Variants in GPX6 observed in about 807,000 individuals in gnomAD.
GPX6 encodes glutathione peroxidase 6, also known as glutathione peroxidase 6 (olfactory).
Under a neutral mutation model 20.0 loss-of-function variants are expected in GPX6, and 21 were observed. The observed-to-expected ratio is 1.05, with a 90% CI of 0.74 to 1.51. GPX6 has a LOEUF of 1.51. Ranked by LOEUF, GPX6 falls within the 40% of genes most tolerant of loss-of-function variation. The probability of loss-of-function intolerance (pLI) is 0.00; values close to 1 mark genes in which losing one functional copy is unlikely to be tolerated. For missense variants in GPX6, 233 were observed against 254.7 expected (o/e 0.91, Z 0.58); for synonymous variants, 75 against 98.0 (o/e 0.77, Z 1.38).
chr6:28,505,922 G>T, intron 3 of GPX6, 120 bp from the exon 4 acceptor site: 2 of 744,010 alleles, frequency 2.7e-6, no homozygotes, highest in Middle Eastern at 3.4e-4. Context: ...CTGTGCACAG[G>T]GAAGATAAGA....
chr6:28,503,384 A>G lies in GPX6; in HGVS notation c.*908T>C, dbSNP rs34874603. 1.6e-4 allele frequency: 24 copies of G among 152,324 alleles called. No homozygotes were observed. The highest frequency in any genetic ancestry group is 5.3e-4 in the African/African-American group (22 of 41,458). The allele number at this position is 152,324 out of a possible 1,614,324, so 9.4% of individuals were successfully genotyped here. The stretch of plus-strand genomic sequence containing the variant: ...AAGAACAAGACAAGGGAATCAAGAA[A>G]GCAGGGACAAAGTGACAGAGAAAGA... On this transcript the variant is annotated 3_prime_UTR_variant, in exon 5 of 5. Coordinates refer to ENST00000361902, the MANE Select transcript of GPX6 (RefSeq NM_182701.1).
intron 1 of GPX6, among the ~76,000 whole-genome samples, chr6:28,512,026 G>A (rs1000073950): frequency 6.6e-6 from 1 of 152,238 alleles, no homozygotes; most frequent in Non-Finnish European, 1.5e-5. Context: ...GCCACCCCGC[G>A]GGGCAGGGCT....
intron 1 of GPX6, among the ~76,000 whole-genome samples, chr6:28,513,298 G>C (rs765939253): frequency 6.6e-6 from 1 of 152,190 alleles, no homozygotes; most frequent in African/African-American, 2.4e-5. Flanking sequence ...GCTGCCTATG[G>C]GTGGCTGAAC....
At position 28,504,425 on chromosome 6, in the gene GPX6, T is replaced by C. The variant is rs1353545693; in HGVS notation, c.533A>G (p.Asp178Gly). Reference sequence around the variant, plus strand: ...AAATTTCTCAAAGTTCCAGCGGATATCATGGACCTTCATGGGCTCCCAGAA... The same window carrying C: ...AAATTTCTCAAAGTTCCAGCGGATACCATGGACCTTCATGGGCTCCCAGAA... ...QLFWEPMKVH[D>G]IRWNFEKFLV... Residue 178 changes from aspartate to glycine, a missense_variant, in exon 5 of 5, where the codon GAT becomes GGT. Physicochemically the swap from Asp to Gly is moderately conservative, Grantham distance 94. Transcript: ENST00000361902. 6.2e-7 allele frequency: 1 copy of C among 1,614,136 alleles called. No individual in the cohort carries two copies. The highest frequency in any genetic ancestry group is 1.7e-5 in the Admixed American group (1 of 60,022).
At chr6:28,510,543 A>T (rs913160749) in intron 2 of GPX6, among the ~76,000 whole-genome samples, 14 of 152,188 alleles carry the variant, frequency 9.2e-5, no homozygotes, top group Admixed American at 9.2e-4. Context: ...GTGGTCTTTA[A>T]GTCTTTGGGA....
chr6:28,513,021 A>AT (rs1376710103), intron 1 of GPX6, among the ~76,000 whole-genome samples: 1 of 152,170 alleles, frequency 6.6e-6, no homozygotes, highest in Non-Finnish European at 1.5e-5. Flanking sequence ...AGTGAGGCCA[A>AT]AAACCCACCA....
At chr6:28,513,550 C>T (rs1009896666) in intron 1 of GPX6, among the ~76,000 whole-genome samples, 1 of 152,134 alleles carries the variant, frequency 6.6e-6, no homozygotes, top group Admixed American at 6.5e-5. Context: ...TTGGCACCCA[C>T]TTCTTTATAT....
At chr6:28,511,688 C>T (rs1458378484) in intron 1 of GPX6, among the ~76,000 whole-genome samples, 1 of 152,270 alleles carries the variant, frequency 6.6e-6, no homozygotes, top group African/African-American at 2.4e-5. Context: ...GCAGCCCTCA[C>T]AGCCTTTGCT....
intron 1 of GPX6, among the ~76,000 whole-genome samples, chr6:28,514,997 G>T (rs1201970462): frequency 6.6e-6 from 1 of 152,188 alleles, no homozygotes; most frequent in Non-Finnish European, 1.5e-5. Flanking sequence ...AATGGCATCA[G>T]GAGATTTGGG....
At chr6:28,504,755 T>G (rs1762792466) in intron 4 of GPX6, among the ~76,000 whole-genome samples, 1 of 152,198 alleles carries the variant, frequency 6.6e-6, no homozygotes, top group African/African-American at 2.4e-5. Context: ...CTTTCCTCTA[T>G]TTCCATGGTT....
intron 1 of GPX6, among the ~76,000 whole-genome samples, chr6:28,513,067 T>C (rs1428689536): frequency 1.3e-5 from 2 of 152,200 alleles, no homozygotes; most frequent in South Asian, 2.1e-4. Flanking sequence ...GGAAGGCCAT[T>C]GACAGCGGAA....
At chr6:28,512,725 C>T (rs564852286) in intron 1 of GPX6, among the ~76,000 whole-genome samples, 15 of 152,320 alleles carry the variant, frequency 9.8e-5, no homozygotes, top group Admixed American at 8.5e-4. Context: ...TCCACACTGC[C>T]TTTACAAGCT....
intron 1 of GPX6, among the ~76,000 whole-genome samples, chr6:28,515,132 T>C (rs934923007): frequency 6.6e-6 from 1 of 152,222 alleles, no homozygotes; most frequent in African/African-American, 2.4e-5. Flanking sequence ...TTTATTTTTC[T>C]AGGGGTGTGG....
intron 1 of GPX6, among the ~76,000 whole-genome samples, chr6:28,513,179 C>T (rs1480399314): frequency 6.6e-6 from 1 of 152,204 alleles, no homozygotes; most frequent in Non-Finnish European, 1.5e-5. Flanking sequence ...CACTTATTCT[C>T]CATGCCCACG....
intron 4 of GPX6, among the ~76,000 whole-genome samples, chr6:28,504,959 T>C (rs1762793915): frequency 6.6e-6 from 1 of 152,178 alleles, no homozygotes; most frequent in Non-Finnish European, 1.5e-5. Context: ...GTAGAATCAC[T>C]AATACTCATT....
chr6:28,510,762 G>A lies in GPX6; in HGVS notation c.230C>T (p.Ala77Val). Residue 77 changes from alanine to valine, a missense_variant, in exon 2 of 5, where the codon GCT becomes GTT. Physicochemically the swap from Ala to Val is moderately conservative, Grantham distance 64. Transcript: ENST00000361902. The stretch of plus-strand genomic sequence containing the variant: ...ACGTGAGTTCTTACCAGGATACTGA[G>A]CTGCCAAGCCTCAATAGGCGGCCAC... Reference protein sequence around the residue: ...VNVAAYUGLAAQYPELNALQE... With the variant: ...VNVAAYUGLAVQYPELNALQE... The A allele has an allele frequency of 1.2e-6, 2 of 1,613,540 alleles. No homozygotes were observed.
At position 28,504,494 on chromosome 6, in the gene GPX6, G is replaced by C; in HGVS notation, c.464C>G (p.Ser155Cys). 6.2e-7 allele frequency: 1 copy of C among 1,613,676 alleles called. No homozygotes were observed. Among genetic ancestry groups the C allele is most frequent in the African/African-American group, 1.3e-5 (1 of 75,030 alleles). The change falls in exon 5 of 5, where the codon TCC (serine) becomes TGC (cysteine). Residue 155 changes from serine to cysteine, a missense_variant. Ser to Cys is a moderately radical substitution (Grantham distance 112). Coordinates refer to ENST00000361902, the MANE Select transcript of GPX6 (RefSeq NM_182701.1). ...EQKVFTFLKNSCPPTSDLLGS... is the reference protein window; with the variant it reads ...EQKVFTFLKNCCPPTSDLLGS... ...CAAAAGATCAGAGGTCGGAGGGCAG[G>C]AGTTCTGGAGCAGAGATATAGAAAG...
chr6:28,505,626 A>G (rs1762799619), intron 4 of GPX6, 77 bp downstream of exon 4: 1 of 1,160,764 alleles, frequency 8.6e-7, no homozygotes, highest in Non-Finnish European at 1.3e-6. Context: ...GAGTCCAACC[A>G]CAACCCTAGA....
intron 2 of GPX6, among the ~76,000 whole-genome samples, chr6:28,508,786 G>A (rs923277592): frequency 1.6e-4 from 24 of 152,108 alleles, no homozygotes; most frequent in Admixed American, 2.6e-4. Flanking sequence ...CAGCCTGGGC[G>A]ACAGAGCAAG....
Sources: allele counts gnomAD v4.1 joint callset (sites outside exome capture counted in the v4.1 genomes callset), GRCh38; gene constraint gnomAD v4.1.1; transcripts MANE v1.5; gene names NCBI Gene and HGNC (gene_info 2026-07-23, HGNC 2026-07-21).